Variants in HTR4 observed in about 807,000 individuals in gnomAD.
HTR4 encodes 5-hydroxytryptamine (serotonin) receptor 4, G protein-coupled.
In HTR4, 16 loss-of-function variants were observed where a neutral mutation model predicts 36.8. That is an observed-to-expected ratio of 0.43 (90% CI 0.29 to 0.66). The LOEUF is 0.66. Ranked by LOEUF, HTR4 falls within the 30% of genes least tolerant of loss-of-function variation. The pLI, the probability that HTR4 is intolerant of heterozygous loss-of-function variation, is 0.13. For synonymous variants in HTR4, 189 were observed against 185.1 expected, an observed-to-expected ratio of 1.02 and a Z score of -0.17; for missense variants, 438 against 490.9, an observed-to-expected ratio of 0.89 and a Z score of 1.02.
rs1170039735 is a variant in HTR4, at chr5:148,635,453, G to C, written c.26+1536C>G. On this transcript the variant is annotated intron_variant, in intron 2 of 6. Transcript: ENST00000377888. ...GATGGTCCAGAGACAAGATTCTGGG[G>C]CGTGATATCATCTTGTATCCTGCAC... Among the ~76,000 whole-genome samples the C allele has an allele frequency of 3.9e-5, 6 of 152,102 alleles. 1 individual carries two copies. The highest frequency in any genetic ancestry group is 8.8e-5 in the Non-Finnish European group (6 of 68,000).
intron 2 of HTR4, among the ~76,000 whole-genome samples, chr5:148,616,756 TACAC>T (rs1308364622): frequency 3.5e-5 from 5 of 143,886 alleles, no homozygotes; most frequent in Non-Finnish European, 6.3e-5. Context: ...TTTCTGTACA[TACAC>T]AGACAGATTT....
chr5:148,574,958 A>T (rs1760835768), intron 2 of HTR4, among the ~76,000 whole-genome samples: 1 of 152,116 alleles, frequency 6.6e-6, no homozygotes, highest in East Asian at 1.9e-4. Context: ...ATAACTAATG[A>T]GTTTTCCACA....
Position 148,548,277 on chromosome 5 carries a change from C to T in HTR4, c.353+391G>A, listed in dbSNP as rs1048347712. On this transcript the variant is annotated intron_variant, in intron 4 of 6. Transcript: ENST00000377888. ...GAAAAGGTTATGTTCAAACATAGGG[C>T]ATTTTCATTCTGAACCACCCCTGCT... is the stretch of plus-strand genomic sequence containing the variant. Among the ~76,000 whole-genome samples the T allele has an allele frequency of 4.6e-5, 7 of 152,182 alleles. No homozygotes were observed. The East Asian group carries it at 1.3e-3, about 29-fold the overall frequency.
chr5:148,552,265 T>G (rs941299302), intron 2 of HTR4, among the ~76,000 whole-genome samples: 27 of 152,222 alleles, frequency 1.8e-4, no homozygotes, highest in Non-Finnish European at 3.8e-4. Flanking sequence ...GAAGTTCAGA[T>G]GAAAAGAAAT....
chr5:148,451,809 G>A (rs1353279632), intron 5 of HTR4, among the ~76,000 whole-genome samples: 1 of 152,168 alleles, frequency 6.6e-6, no homozygotes, highest in Non-Finnish European at 1.5e-5. Flanking sequence ...AAGCATCACA[G>A]TGAAATTTAC....
chr5:148,558,178 C>A (rs1211898880), intron 2 of HTR4, among the ~76,000 whole-genome samples: 1 of 151,640 alleles, frequency 6.6e-6, no homozygotes, highest in East Asian at 1.9e-4. Context: ...TCTTACCAAT[C>A]AACAGTTAGG....
chr5:148,642,828 T>G (rs1334849706), intron 1 of HTR4, among the ~76,000 whole-genome samples: 1 of 152,114 alleles, frequency 6.6e-6, no homozygotes, highest in Non-Finnish European at 1.5e-5. Flanking sequence ...TCCTAGCAAT[T>G]TTTTTTAACC....
intron 2 of HTR4, among the ~76,000 whole-genome samples, chr5:148,572,886 A>G (rs2113883931): frequency 6.6e-6 from 1 of 152,204 alleles, no homozygotes; most frequent in Middle Eastern, 3.4e-3. Context: ...GTGAATGCTA[A>G]AAGTGCTGGA....
rs1393191344 is a variant in HTR4 at position 148,506,410 on chromosome 5, C to T, written c.1076+3046G>A. On this transcript the variant is annotated intron_variant, in intron 6 of 6. Coordinates refer to ENST00000377888, the MANE Select transcript of HTR4 (RefSeq NM_000870.7). The stretch of plus-strand genomic sequence containing the variant: ...AAGACTTAAATGTCAGACCTAAAAC[C>T]ATAAAAACCCTAGAAGAAAACCTGG... Among the ~76,000 whole-genome samples, 7 of 151,996 alleles carry T rather than the reference C, an allele frequency of 4.6e-5. 1 individual carries two copies. The highest frequency in any genetic ancestry group is 4.6e-4 in the Admixed American group (7 of 15,254).
chr5:148,517,443 C>G (rs920996919), intron 5 of HTR4, among the ~76,000 whole-genome samples: 1 of 152,022 alleles, frequency 6.6e-6, no homozygotes, highest in African/African-American at 2.4e-5. Context: ...CTGGACATCT[C>G]CAATTGCATA....
intron 2 of HTR4, among the ~76,000 whole-genome samples, chr5:148,578,768 TA>T (rs1202343779): frequency 6.6e-6 from 1 of 152,044 alleles, no homozygotes; most frequent in Non-Finnish European, 1.5e-5. Flanking sequence ...ATTCCATGAG[TA>T]AAGTCATGTA....
intron 2 of HTR4, among the ~76,000 whole-genome samples, chr5:148,577,220 T>G (rs1222051589): frequency 6.6e-6 from 1 of 151,998 alleles, no homozygotes; most frequent in African/African-American, 2.4e-5. Context: ...GAAAAGAAGC[T>G]CAATATCACT....
At chr5:148,504,152 C>T (rs529807761) in intron 6 of HTR4, among the ~76,000 whole-genome samples, 4 of 152,300 alleles carry the variant, frequency 2.6e-5, no homozygotes, top group South Asian at 2.1e-4. Context: ...ACCTAATAGA[C>T]GTCTACAGAA....
intron 1 of HTR4, among the ~76,000 whole-genome samples, chr5:148,640,957 A>G (rs1364178413): frequency 6.6e-6 from 1 of 152,216 alleles, no homozygotes; most frequent in Non-Finnish European, 1.5e-5. Context: ...CAAACCAGTG[A>G]GATAGCATGC....
chr5:148,581,516 G>A (rs995717218), intron 2 of HTR4, among the ~76,000 whole-genome samples: 3 of 151,936 alleles, frequency 2.0e-5, no homozygotes, highest in African/African-American at 7.2e-5. Flanking sequence ...GTTAATTTTT[G>A]TGTATGATGA....
intron 5 of HTR4, among the ~76,000 whole-genome samples, chr5:148,462,380 T>C (rs1242614048): frequency 6.6e-6 from 1 of 151,836 alleles, no homozygotes; most frequent in Non-Finnish European, 1.5e-5. Context: ...TCAAGAATAA[T>C]CAAGTACTAC....
At chr5:148,582,826 G>C (rs1256131009) in intron 2 of HTR4, among the ~76,000 whole-genome samples, 3 of 152,106 alleles carry the variant, frequency 2.0e-5, no homozygotes, top group East Asian at 1.9e-4. Context: ...AGCTTAAGGA[G>C]ATTTTGGGCT....
chr5:148,522,807 C>T (rs552193135), intron 5 of HTR4, among the ~76,000 whole-genome samples: 35 of 152,180 alleles, frequency 2.3e-4, no homozygotes, highest in African/African-American at 8.2e-4. Flanking sequence ...CCTAGCAGGG[C>T]TCTTGCTGAA....
intron 2 of HTR4, among the ~76,000 whole-genome samples, chr5:148,619,433 T>C (rs1185811760): frequency 6.6e-6 from 1 of 151,702 alleles, no homozygotes; most frequent in Non-Finnish European, 1.5e-5. Context: ...AAAATCTTTT[T>C]GAAAACTAGG....
Sources: gnomAD v4.1 joint callset for allele counts (sites outside exome capture counted in the v4.1 genomes callset) on GRCh38, gnomAD v4.1.1 for gene constraint, MANE v1.5 for transcripts, NCBI Gene and HGNC (gene_info 2026-07-23, HGNC 2026-07-21) for gene names.